MTAP: variants seen among roughly 807,000 people sequenced by gnomAD.
MTAP encodes S-methyl-5'-thioadenosine phosphorylase.
Under a neutral mutation model 33.6 loss-of-function variants are expected in MTAP, and 33 were observed. The ratio of observed to expected loss-of-function variants is 0.98; its 90% CI spans 0.74 to 1.31. The LOEUF (loss-of-function observed/expected upper bound fraction) is 1.31. Ranked by LOEUF, MTAP falls within the 40% of genes most tolerant of loss-of-function variation. MTAP has a pLI of 0.00. For synonymous variants in MTAP, 148 were observed against 125.7 expected (o/e 1.18, Z -1.19); for missense variants, 367 against 360.0 (o/e 1.02, Z -0.16).
At chr9:21,903,495 TCTGAG>T (rs1410565428) in intron 1 of MTAP, among the ~76,000 whole-genome samples, 1 of 152,118 alleles carries the variant, frequency 6.6e-6, no homozygotes, top group Admixed American at 6.5e-5. Context: ...CTAGAGACAC[TCTGAG>T]CTACCCCCAT....
At chr9:21,860,225 G>A (rs1825726109) in intron 7 of MTAP, 1 of 152,244 alleles carries the variant, frequency 6.6e-6, no homozygotes, top group South Asian at 2.1e-4. Context: ...ATGGTGGTAA[G>A]TGACTGCCAA....
chr9:21,924,183 C>T (rs567410518), intron 1 of MTAP, among the ~76,000 whole-genome samples: 3 of 152,132 alleles, frequency 2.0e-5, no homozygotes, highest in East Asian at 1.9e-4. Context: ...ATGGGGGATG[C>T]CCTGTTCAGG....
Position 21,864,403 on chromosome 9 carries a change from T to G in MTAP, c.*2389T>G. 1 of 985,402 alleles carries G rather than the reference T, an allele frequency of 1.0e-6. No individual in the cohort carries two copies. The highest frequency in any genetic ancestry group is 1.2e-6 in the Non-Finnish European group (1 of 829,924). 61.0% of individuals were successfully genotyped at this position (985,402 alleles called of 1,614,324 possible). A position where few individuals can be genotyped will look rare whatever the true frequency, so the allele number is the denominator to read the frequency against. On this transcript the variant is annotated 3_prime_UTR_variant, in exon 8 of 8. Coordinates refer to ENST00000644715, the MANE Select transcript of MTAP (RefSeq NM_002451.4). ...ACTAAGTGAACACCATGGTCAGTTG[T>G]GAGCATTTTGGTTTCCGCAAAGGAT...
At chr9:21,848,379 G>A (rs564966218) in intron 5 of MTAP, among the ~76,000 whole-genome samples, 1 of 152,262 alleles carries the variant, frequency 6.6e-6, no homozygotes, top group South Asian at 2.1e-4. Flanking sequence ...TAAGGGTGTG[G>A]GATAATGGTG....
intron 5 of MTAP, among the ~76,000 whole-genome samples, chr9:21,850,628 A>T (rs1391840229): frequency 6.6e-6 from 1 of 152,188 alleles, no homozygotes; most frequent in Non-Finnish European, 1.5e-5. Context: ...TTTTGGAGCA[A>T]GGTCCTGCCA....
chr9:21,932,527 C>A (rs923977935), downstream of MTAP: 14 of 151,912 alleles, frequency 9.2e-5, no homozygotes, highest in African/African-American at 3.4e-4. Flanking sequence ...TGTCTGACTA[C>A]CGATGGCTCC....
At chr9:21,815,604 A>AAAAT in intron 2 of MTAP, 85 bp downstream of exon 2, 4 of 1,058,446 alleles carry the variant, frequency 3.8e-6, no homozygotes, top group Non-Finnish European at 5.6e-6. Flanking sequence ...AAAAAAAAAA[A>AAAAT]GAATTGCTTT....
chr9:21,815,728 GA>G, intron 2 of MTAP: 1 of 539,020 alleles, frequency 1.9e-6, no homozygotes, highest in Non-Finnish European at 3.3e-6. Flanking sequence ...GATGTTTTGA[GA>G]AAATGGCTAC....
intron 5 of MTAP, 74 bp downstream of exon 5, chr9:21,838,084 TG>T: frequency 7.8e-7 from 1 of 1,285,840 alleles, no homozygotes; most frequent in Non-Finnish European, 1.1e-6. Context: ...TTTGGTTAAT[TG>T]GCAGAGCGAG....
intron 1 of MTAP, among the ~76,000 whole-genome samples, chr9:21,917,874 G>T (rs1046576837): frequency 6.6e-6 from 1 of 152,158 alleles, no homozygotes; most frequent in Non-Finnish European, 1.5e-5. Context: ...TAAAAATATG[G>T]TATATATGTA....
Position 21,864,838 on chromosome 9 carries a change from C to T in MTAP, c.*2824C>T. 1 of 985,480 alleles carries T rather than the reference C, an allele frequency of 1.0e-6. No homozygotes were observed. Among genetic ancestry groups the T allele is most frequent in the Non-Finnish European group, 1.2e-6 (1 of 829,952 alleles). 61.0% of individuals were successfully genotyped at this position (985,480 alleles called of 1,614,324 possible). A position where few individuals can be genotyped will look rare whatever the true frequency, so the allele number is the denominator to read the frequency against. On this transcript the variant is annotated 3_prime_UTR_variant, in exon 8 of 8. Transcript: ENST00000644715. ...CTGCTCTGGCATCCACAGGATGCTC[C>T]TGGAGCCTCTTCTCTGGCTGCTACC...
chr9:21,807,314 C>T (rs1040084107), intron 1 of MTAP, among the ~76,000 whole-genome samples: 2 of 152,094 alleles, frequency 1.3e-5, no homozygotes, highest in African/African-American at 4.8e-5. Context: ...GGAATATGGG[C>T]CTTTACACTC....
At chr9:21,819,355 T>C (rs909763124) in intron 4 of MTAP, among the ~76,000 whole-genome samples, 1 of 152,192 alleles carries the variant, frequency 6.6e-6, no homozygotes, top group African/African-American at 2.4e-5. Flanking sequence ...GTGTTCTCAT[T>C]GTTCAGTTCC....
chr9:21,815,976 T>C (rs1222902769), intron 2 of MTAP, among the ~76,000 whole-genome samples: 2 of 152,220 alleles, frequency 1.3e-5, no homozygotes, highest in African/African-American at 4.8e-5. Context: ...CTGATGTTAG[T>C]TGAATGTGTA....
intron 1 of MTAP, among the ~76,000 whole-genome samples, chr9:21,895,466 C>A (rs997339434): frequency 1.3e-5 from 2 of 152,206 alleles, no homozygotes; most frequent in Non-Finnish European, 2.9e-5. Flanking sequence ...GTTCATCTCA[C>A]TGGGGCTTGT....
chr9:21,812,569 C>T (rs1031810980), intron 1 of MTAP, among the ~76,000 whole-genome samples: 17 of 152,220 alleles, frequency 1.1e-4, no homozygotes, highest in African/African-American at 3.1e-4. Flanking sequence ...TGAGGACTGA[C>T]GCTTCCTGCC....
intron 3 of MTAP, 60 bp from the exon 4 acceptor site, chr9:21,817,975 G>C: frequency 6.7e-7 from 1 of 1,483,604 alleles, no homozygotes; most frequent in Non-Finnish European, 9.0e-7. Context: ...CTAGACTCTA[G>C]GAGAAAACAG....
At chr9:21,846,722 A>T (rs1825393503) in intron 5 of MTAP, among the ~76,000 whole-genome samples, 1 of 152,114 alleles carries the variant, frequency 6.6e-6, no homozygotes, top group African/African-American at 2.4e-5. Flanking sequence ...CAGCAATCCC[A>T]CTCCTATGCG....
intron 4 of MTAP, among the ~76,000 whole-genome samples, chr9:21,831,373 G>T (rs908992378): frequency 6.6e-6 from 1 of 152,092 alleles, no homozygotes; most frequent in African/African-American, 2.4e-5. Context: ...ATCTTTCTCT[G>T]TTGCCCGGGG....
Sources: allele counts gnomAD v4.1 joint callset (sites outside exome capture counted in the v4.1 genomes callset), GRCh38; gene constraint gnomAD v4.1.1; transcripts MANE v1.5; gene names NCBI Gene and HGNC (gene_info 2026-07-23, HGNC 2026-07-21).